KALRN: variants seen among roughly 807,000 people sequenced by gnomAD.
The protein encoded by KALRN is kalirin RhoGEF kinase, also known as kalirin.
Under a neutral mutation model 353.7 loss-of-function variants are expected in KALRN, and 70 were observed. The ratio of observed to expected loss-of-function variants is 0.20; its 90% CI spans 0.16 to 0.24. The LOEUF (loss-of-function observed/expected upper bound fraction) is 0.24, where lower values mean the gene tolerates loss of function less well. Among genes scored for constraint, KALRN ranks in the 10% least tolerant of loss-of-function variants. The probability of loss-of-function intolerance (pLI) is 1.00; values close to 1 mark genes in which losing one functional copy is unlikely to be tolerated. For synonymous variants in KALRN, 1,391 were observed against 1,434.8 expected, an observed-to-expected ratio of 0.97 and a Z score of 0.69; for missense variants, 2,791 against 3,756.7, an observed-to-expected ratio of 0.74 and a Z score of 6.72.
chr3:124,047,244 A>G (rs1395504294), intron 1 of KALRN, among the ~76,000 whole-genome samples: 1 of 152,214 alleles, frequency 6.6e-6, no homozygotes, highest in Non-Finnish European at 1.5e-5. Flanking sequence ...TGTGCCTAGT[A>G]TTATGCCAGA....
At chr3:124,209,030 G>A (rs1416081001) in intron 1 of KALRN, among the ~76,000 whole-genome samples, 4 of 151,792 alleles carry the variant, frequency 2.6e-5, no homozygotes, top group African/African-American at 9.7e-5. Context: ...AAAATAAGGG[G>A]ATAGTAAAAG....
chr3:124,184,777 A>C (rs2150240267), intron 1 of KALRN, among the ~76,000 whole-genome samples: 1 of 152,322 alleles, frequency 6.6e-6, no homozygotes, highest in Middle Eastern at 3.4e-3. Context: ...TTGTATTCTT[A>C]TCATCTGGCA....
At chr3:124,571,726 T>C (rs1039551141) in intron 34 of KALRN, among the ~76,000 whole-genome samples, 2 of 152,068 alleles carry the variant, frequency 1.3e-5, no homozygotes, top group African/African-American at 4.8e-5. Context: ...GGCCTCACTC[T>C]GTTGCCCAGG....
At chr3:124,349,783 A>G (rs923829146) in intron 10 of KALRN, among the ~76,000 whole-genome samples, 3 of 152,228 alleles carry the variant, frequency 2.0e-5, no homozygotes, top group Admixed American at 6.5e-5. Context: ...GACTTTGCCA[A>G]TGTAATAGAC....
chr3:124,368,572 T>C (rs1260523531), intron 10 of KALRN, among the ~76,000 whole-genome samples: 1 of 139,646 alleles, frequency 7.2e-6, no homozygotes, highest in Non-Finnish European at 1.5e-5. Flanking sequence ...CTCCTCACTT[T>C]CCAGACTGGG....
intron 19 of KALRN, among the ~76,000 whole-genome samples, chr3:124,444,226 T>C (rs1375922086): frequency 2.0e-5 from 3 of 152,218 alleles, no homozygotes; most frequent in Non-Finnish European, 4.4e-5. Context: ...GCTTGTTTGC[T>C]CCACGTGTAT....
At chr3:124,082,351 T>G (rs1181707411) in intron 1 of KALRN, 1 of 470,014 alleles carries the variant, frequency 2.1e-6, no homozygotes, top group East Asian at 6.9e-5. Context: ...AAATTCTGTT[T>G]CCTATTTTTT....
At chr3:124,418,368 T>C (rs2092616389) in intron 14 of KALRN, among the ~76,000 whole-genome samples, 1 of 152,166 alleles carries the variant, frequency 6.6e-6, no homozygotes. Context: ...ACCCAGATTT[T>C]TTTTAACTTC....
chr3:124,450,316 T>C lies in KALRN; in HGVS notation c.3552+3431T>C, dbSNP rs138267244. Among the ~76,000 whole-genome samples, 23 of 152,324 alleles carry C rather than the reference T, an allele frequency of 1.5e-4. No homozygotes were observed. The East Asian group carries it at 4.0e-3, about 27-fold the overall frequency. ...TAATAATGTTAAGAAAATACTTTTT[T>C]AAGCTGGTAATTTCATCTCTGAAAA... is the stretch of plus-strand genomic sequence containing the variant. On this transcript the variant is annotated intron_variant, in intron 21 of 59. Transcript: ENST00000682506.
At chr3:124,627,667 A>G (rs1459690209) in intron 34 of KALRN, among the ~76,000 whole-genome samples, 3 of 152,234 alleles carry the variant, frequency 2.0e-5, no homozygotes, top group African/African-American at 7.2e-5. Flanking sequence ...AAGCTTCTGC[A>G]AACTTATCAG....
chr3:124,468,956 A>C (rs76701714), intron 25 of KALRN, among the ~76,000 whole-genome samples: 3,992 of 152,354 alleles, frequency 0.026, 73 homozygotes, highest in Non-Finnish European at 0.041. Context: ...AACAAGACAA[A>C]GTCTAAACAC....
chr3:124,094,047 C>T (rs2061280225), intron 1 of KALRN: 1 of 152,214 alleles, frequency 6.6e-6, no homozygotes, highest in Non-Finnish European at 1.5e-5. Context: ...ACACCAGAAA[C>T]ATTATATTCT....
At chr3:124,285,430 C>T (rs1041266340) in intron 5 of KALRN, among the ~76,000 whole-genome samples, 8 of 152,178 alleles carry the variant, frequency 5.3e-5, no homozygotes, top group Non-Finnish European at 8.8e-5. Context: ...GATAGATACA[C>T]TGAAAGCTCC....
At chr3:124,171,146 T>A (rs1370564775) in intron 1 of KALRN, among the ~76,000 whole-genome samples, 2 of 152,114 alleles carry the variant, frequency 1.3e-5, no homozygotes, top group Non-Finnish European at 2.9e-5. Flanking sequence ...CTACCCCTGT[T>A]CTCAGAAGTG....
Position 124,385,053 on chromosome 3 carries a change from G to C in KALRN, c.1962+17G>C. ...ACCAAAGAGGTAAGGGGAGCTAGTGGAGAGAGGGCATTCTGTCCTGCCAGG... is the reference window on the plus strand; with the variant it reads ...ACCAAAGAGGTAAGGGGAGCTAGTGCAGAGAGGGCATTCTGTCCTGCCAGG... On this transcript the variant is annotated intron_variant, in intron 11 of 59. Coordinates refer to ENST00000682506, the MANE Select transcript of KALRN (RefSeq NM_001388419.1). 1 of 1,566,108 alleles carries C rather than the reference G, an allele frequency of 6.4e-7. No homozygotes were observed. Among genetic ancestry groups the C allele is most frequent in the Non-Finnish European group, 8.7e-7 (1 of 1,150,488 alleles).
At chr3:124,086,621 C>T (rs2060839648) in intron 1 of KALRN, among the ~76,000 whole-genome samples, 1 of 152,044 alleles carries the variant, frequency 6.6e-6, no homozygotes, top group African/African-American at 2.4e-5. Flanking sequence ...ATATTTACTT[C>T]CTGCATTATC....
chr3:124,037,674 T>C (rs2039554188), intron 1 of KALRN, among the ~76,000 whole-genome samples: 1 of 151,934 alleles, frequency 6.6e-6, no homozygotes, highest in African/African-American at 2.4e-5. Flanking sequence ...TTGGTCTGGG[T>C]TGGTGGCAGA....
intron 33 of KALRN, among the ~76,000 whole-genome samples, chr3:124,502,042 A>C (rs185151908): frequency 1.3e-5 from 2 of 152,262 alleles, no homozygotes; most frequent in East Asian, 3.8e-4. Context: ...TTTTCCCTGT[A>C]GGGATTAGTG....
At chr3:124,705,825 T>TTCCC (rs1375321991) in intron 57 of KALRN, among the ~76,000 whole-genome samples, 2 of 143,826 alleles carry the variant, frequency 1.4e-5, no homozygotes, top group African/African-American at 2.6e-5. Context: ...CCTTCCTCCC[T>TTCCC]TCCTTCCTTC....
Sources: gnomAD v4.1 joint callset for allele counts (sites outside exome capture counted in the v4.1 genomes callset) on GRCh38, gnomAD v4.1.1 for gene constraint, MANE v1.5 for transcripts, NCBI Gene and HGNC (gene_info 2026-07-23, HGNC 2026-07-21) for gene names.